The following STX8 variants were observed in gnomAD, a reference collection of about 807,000 sequenced individuals.
The protein encoded by STX8 is syntaxin 8.
In STX8, 23 loss-of-function variants were observed where a neutral mutation model predicts 37.5. That is an observed-to-expected ratio of 0.61 (90% CI 0.44 to 0.87). The LOEUF is 0.87. Ranked by LOEUF, STX8 falls within the 40% of genes least tolerant of loss-of-function variation. The pLI is 0.00. For synonymous variants in STX8, 115 were observed against 99.1 expected (o/e 1.16, Z -0.95); for missense variants, 313 against 284.7 (o/e 1.10, Z -0.71).
intron 7 of STX8, among the ~76,000 whole-genome samples, chr17:9,260,345 C>T (rs562935381): frequency 4.0e-5 from 6 of 151,810 alleles, no homozygotes; most frequent in South Asian, 4.2e-4. Context: ...TCAAGAAGGC[C>T]GGGCGCGGTG....
intron 7 of STX8, among the ~76,000 whole-genome samples, chr17:9,327,018 G>T (rs140650979): frequency 6.6e-6 from 1 of 151,940 alleles, no homozygotes; most frequent in South Asian, 2.1e-4. Flanking sequence ...TTAGCCGGGC[G>T]TGATGGTGCA....
At chr17:9,481,316 G>A (rs1002968297) in intron 6 of STX8, among the ~76,000 whole-genome samples, 1 of 152,184 alleles carries the variant, frequency 6.6e-6, no homozygotes, top group Non-Finnish European at 1.5e-5. Flanking sequence ...TCCTGCTCAC[G>A]TTCCACCTGC....
intron 6 of STX8, among the ~76,000 whole-genome samples, chr17:9,430,776 A>G (rs1353828564): frequency 6.6e-6 from 1 of 151,684 alleles, no homozygotes; most frequent in Non-Finnish European, 1.5e-5. Flanking sequence ...CAACCTCCCA[A>G]GTAGCTGGGA....
At chr17:9,385,144 G>A (rs1212888093) in intron 6 of STX8, among the ~76,000 whole-genome samples, 2 of 152,084 alleles carry the variant, frequency 1.3e-5, no homozygotes, top group East Asian at 1.9e-4. Context: ...ATCCTCAAAG[G>A]AAGTGATTTC....
chr17:9,386,525 G>C (rs1025250337), intron 6 of STX8, among the ~76,000 whole-genome samples: 1 of 152,100 alleles, frequency 6.6e-6, no homozygotes, highest in Non-Finnish European at 1.5e-5. Context: ...ACACAGAAGG[G>C]AGGAAGGGAA....
intron 7 of STX8, among the ~76,000 whole-genome samples, chr17:9,295,672 G>A (rs925844039): frequency 6.6e-6 from 1 of 152,122 alleles, no homozygotes; most frequent in African/African-American, 2.4e-5. Context: ...GAAACCAGGA[G>A]GCAGAGGTTG....
rs115596215 is a variant in STX8 at position 9,409,016 on chromosome 17, C to T, written c.542-30363G>A. On this transcript the variant is annotated intron_variant, in intron 6 of 7. Transcript: ENST00000306357. ...TTAAGCCCAGGTTCTCCCTACCCCCCCTACTGCTCAGAACCTCTCTATTCC... is the reference window on the plus strand; with the variant it reads ...TTAAGCCCAGGTTCTCCCTACCCCCTCTACTGCTCAGAACCTCTCTATTCC... 7.6e-3 allele frequency among the ~76,000 whole-genome samples: 1,149 copies of T among 152,090 alleles called. 14 individuals carry two copies. Among genetic ancestry groups the T allele is most frequent in the African/African-American group, 0.026 (1,095 of 41,478 alleles).
chr17:9,289,823 A>T (rs1908252788), intron 7 of STX8, among the ~76,000 whole-genome samples: 1 of 152,106 alleles, frequency 6.6e-6, no homozygotes, highest in Admixed American at 6.6e-5. Flanking sequence ...GAAAAATGAC[A>T]ATAAGTTCCA....
At chr17:9,370,965 T>G (rs1272689761) in intron 7 of STX8, among the ~76,000 whole-genome samples, 2 of 151,524 alleles carry the variant, frequency 1.3e-5, no homozygotes, top group African/African-American at 4.8e-5. Context: ...ATGCTATCAT[T>G]GGGGTGGGGT....
chr17:9,513,664 C>T (rs1905088918), intron 4 of STX8, among the ~76,000 whole-genome samples: 1 of 152,178 alleles, frequency 6.6e-6, no homozygotes, highest in South Asian at 2.1e-4. Flanking sequence ...AGCAATCCCC[C>T]TACTGGGCAC....
chr17:9,304,656 C>T (rs928723826), intron 7 of STX8, among the ~76,000 whole-genome samples: 5 of 151,912 alleles, frequency 3.3e-5, no homozygotes, highest in African/African-American at 7.3e-5. Context: ...CAACTTAATA[C>T]AATGAAATAA....
intron 7 of STX8, among the ~76,000 whole-genome samples, chr17:9,332,896 T>A (rs748522353): frequency 7.9e-5 from 12 of 152,314 alleles, no homozygotes; most frequent in Non-Finnish European, 1.6e-4. Flanking sequence ...GAGGTAATGA[T>A]ATTTTTGGCT....
chr17:9,492,508 T>C (rs746868371), intron 5 of STX8, among the ~76,000 whole-genome samples: 6 of 152,174 alleles, frequency 3.9e-5, no homozygotes, highest in Non-Finnish European at 7.4e-5. Flanking sequence ...TACCTGCCAA[T>C]TCTAAGTCTA....
chr17:9,557,304 G>A (rs1274794116), intron 3 of STX8, 130 bp downstream of exon 3: 3 of 652,718 alleles, frequency 4.6e-6, no homozygotes, highest in South Asian at 3.7e-5. Flanking sequence ...AAGATTACAG[G>A]CAATATTTTG....
intron 7 of STX8, among the ~76,000 whole-genome samples, chr17:9,281,851 T>A (rs935222726): frequency 5.9e-5 from 9 of 152,132 alleles, no homozygotes; most frequent in African/African-American, 2.2e-4. Context: ...GGAGAATCGC[T>A]TGAACCTGGG....
intron 6 of STX8, among the ~76,000 whole-genome samples, chr17:9,465,162 C>T (rs1905556303): frequency 6.6e-6 from 1 of 151,772 alleles, no homozygotes; most frequent in Non-Finnish European, 1.5e-5. Context: ...AACACTTCCT[C>T]AGTAATAGGC....
At chr17:9,352,560 C>T (rs1430027800) in intron 7 of STX8, among the ~76,000 whole-genome samples, 2 of 149,536 alleles carry the variant, frequency 1.3e-5, no homozygotes, top group African/African-American at 2.5e-5. Context: ...CTCCGCCTCC[C>T]GGGTTCACGC....
chr17:9,326,719 G>T (rs1442271128), intron 7 of STX8, among the ~76,000 whole-genome samples: 1 of 152,172 alleles, frequency 6.6e-6, no homozygotes, highest in Non-Finnish European at 1.5e-5. Context: ...GGACATGGGA[G>T]ACTGCATGGG....
At chr17:9,470,280 G>A (rs925998437) in intron 6 of STX8, among the ~76,000 whole-genome samples, 1 of 152,152 alleles carries the variant, frequency 6.6e-6, no homozygotes, top group South Asian at 2.1e-4. Context: ...TTAAGGATTT[G>A]AAATTACTTG....
Sources: gnomAD v4.1 joint callset for allele counts (sites outside exome capture counted in the v4.1 genomes callset) on GRCh38, gnomAD v4.1.1 for gene constraint, MANE v1.5 for transcripts, NCBI Gene and HGNC (gene_info 2026-07-23, HGNC 2026-07-21) for gene names.